The following CABP1 variants were observed in gnomAD, a reference collection of about 807,000 sequenced individuals.
CABP1 encodes the protein calcium-binding protein 1.
In CABP1, 17 loss-of-function variants were observed where a neutral mutation model predicts 34.3. That is an observed-to-expected ratio of 0.50 (90% CI 0.34 to 0.74). The LOEUF (loss-of-function observed/expected upper bound fraction) is 0.74. Among genes scored for constraint, CABP1 ranks in the 30% least tolerant of loss-of-function variants. CABP1 has a pLI of 0.01. For synonymous variants in CABP1, 198 were observed against 229.2 expected (o/e 0.86, Z 1.23); for missense variants, 373 against 511.1 (o/e 0.73, Z 2.61).
rs1880617025 is a variant in CABP1, at chr12:120,661,342, C to T, written c.1087+124C>T. ...ATTTTCCAACCCCCAGCCCTTTCAT[C>T]CTCTTATCCCTCCGTCCATGCCCCC... On this transcript the variant is annotated intron_variant, in intron 5 of 5. Transcript: ENST00000316803. The surrounding 1 kb of genome is among the most constrained non-coding windows in gnomAD (Gnocchi z 5.1). 1 of 1,063,802 alleles carries T rather than the reference C, an allele frequency of 9.4e-7. No individual in the cohort carries two copies. Among genetic ancestry groups the T allele is most frequent in the African/African-American group, 1.6e-5 (1 of 63,062 alleles). 65.9% of individuals were successfully genotyped at this position (1,063,802 alleles called of 1,614,324 possible).
chr12:120,671,211 G>A (rs1318816046), downstream of CABP1, among the ~76,000 whole-genome samples: 1 of 152,100 alleles, frequency 6.6e-6, no homozygotes, highest in Admixed American at 6.6e-5. Flanking sequence ...TTCGAGACCA[G>A]CCTGGCCAAA....
chr12:120,672,309 C>A (rs923768098), downstream of CABP1, among the ~76,000 whole-genome samples: 1 of 152,084 alleles, frequency 6.6e-6, no homozygotes. Flanking sequence ...GGTCAAATGG[C>A]TCATATTCTT....
chr12:120,672,564 G>A, the CABP1 span, among the ~76,000 whole-genome samples: 2 of 149,476 alleles, frequency 1.3e-5, no homozygotes, highest in Non-Finnish European at 3.0e-5. Flanking sequence ...CCCAGGAGGC[G>A]GAGGCTGCAG....
the CABP1 span, among the ~76,000 whole-genome samples, chr12:120,675,096 C>G: frequency 1.3e-5 from 2 of 151,990 alleles, no homozygotes; most frequent in African/African-American, 2.4e-5. Flanking sequence ...TCTGTCACTC[C>G]TGCTGGAGTG....
intron 1 of CABP1, among the ~76,000 whole-genome samples, chr12:120,657,209 G>A (rs1880285369): frequency 6.6e-6 from 1 of 152,232 alleles, no homozygotes; most frequent in African/African-American, 2.4e-5. Flanking sequence ...ATAGCCACAT[G>A]TGGCTAGCGG....
the CABP1 span, among the ~76,000 whole-genome samples, chr12:120,677,424 T>A: frequency 2.4e-5 from 3 of 126,634 alleles, no homozygotes; most frequent in African/African-American, 9.5e-5. Flanking sequence ...TGAGACAGAG[T>A]CTCACTCTGT....
At chr12:120,678,955 C>T in the CABP1 span, among the ~76,000 whole-genome samples, 2 of 151,142 alleles carry the variant, frequency 1.3e-5, no homozygotes, top group Admixed American at 6.6e-5. Flanking sequence ...TGCCTGTAGT[C>T]GCAGCTACTT....
At chr12:120,664,249 A>G (rs1880829185) in intron 5 of CABP1, among the ~76,000 whole-genome samples, 1 of 152,210 alleles carries the variant, frequency 6.6e-6, no homozygotes. Context: ...AAACAATAGC[A>G]TAATCCATGT....
intron 1 of CABP1, among the ~76,000 whole-genome samples, chr12:120,647,295 A>G (rs996680888): frequency 3.9e-5 from 6 of 152,146 alleles, no homozygotes; most frequent in African/African-American, 9.7e-5. Context: ...GGGAGGTGCT[A>G]TTAGAATCCC....
chr12:120,659,836 G>C lies in CABP1; in HGVS notation c.655-42G>C, dbSNP rs1319324536. ...CAGGTTAGGTATTTTGTGACTTCCA[G>C]GTCCCTTGTCGCGGCTAATAGGACA... On this transcript the variant is annotated intron_variant, in intron 1 of 5. Transcript: ENST00000316803. 6 of 1,607,722 alleles carry C rather than the reference G, an allele frequency of 3.7e-6. No homozygotes were observed. The East Asian group carries it at 1.3e-4, about 36-fold the overall frequency.
chr12:120,669,490 T>A (rs1322845006), downstream of CABP1, among the ~76,000 whole-genome samples: 4 of 152,194 alleles, frequency 2.6e-5, no homozygotes, highest in Non-Finnish European at 5.9e-5. Context: ...CCACTCAGGA[T>A]AGACTTAGGG....
chr12:120,659,982 G>C (rs989119031), intron 2 of CABP1, 74 bp downstream of exon 2: 13 of 1,496,654 alleles, frequency 8.7e-6, no homozygotes, highest in Non-Finnish European at 1.1e-5. Flanking sequence ...TTGATGGGAA[G>C]AGAGGCCCCT....
chr12:120,666,191 C>CTT (rs1880967623), intron 5 of CABP1, among the ~76,000 whole-genome samples: 1 of 122,628 alleles, frequency 8.2e-6, no homozygotes, highest in South Asian at 2.7e-4. Context: ...GAGGGAGACT[C>CTT]TGTCTCTACA....
chr12:120,677,772 A>G, the CABP1 span, among the ~76,000 whole-genome samples: 1 of 152,204 alleles, frequency 6.6e-6, no homozygotes, highest in African/African-American at 2.4e-5. Flanking sequence ...TCTCATTCAC[A>G]GATGAGGAAA....
chr12:120,666,998 T>G lies in CABP1; in HGVS notation c.*98T>G. 6.9e-7 allele frequency: 1 copy of G among 1,457,122 alleles called. No homozygotes were observed. The highest frequency in any genetic ancestry group is 9.3e-7 in the Non-Finnish European group (1 of 1,073,436). 90.3% of individuals were successfully genotyped at this position (1,457,122 alleles called of 1,614,324 possible). A position where few individuals can be genotyped will look rare whatever the true frequency, so the allele number is the denominator to read the frequency against. On this transcript the variant is annotated 3_prime_UTR_variant, in exon 6 of 6. Transcript: ENST00000316803. Reference sequence around the variant, plus strand: ...CGCTGTAGCCGCCGAGAGCCCAGGATGTACTGGCGGATGGGGCCTGCCTGC... The same window carrying G: ...CGCTGTAGCCGCCGAGAGCCCAGGAGGTACTGGCGGATGGGGCCTGCCTGC...
downstream of CABP1, among the ~76,000 whole-genome samples, chr12:120,669,215 A>C (rs190613491): frequency 3.9e-4 from 60 of 152,320 alleles, no homozygotes; most frequent in Middle Eastern, 3.4e-3. Context: ...CCCCAGCCAG[A>C]GGCCCGGGTA....
At chr12:120,664,985 C>T (rs553375430) in intron 5 of CABP1, among the ~76,000 whole-genome samples, 154 of 150,948 alleles carry the variant, frequency 1.0e-3, no homozygotes, top group African/African-American at 3.6e-3. Flanking sequence ...AATCTGAAAA[C>T]ACTGCATACC....
At chr12:120,679,620 G>A in the CABP1 span, among the ~76,000 whole-genome samples, 1 of 152,130 alleles carries the variant, frequency 6.6e-6, no homozygotes, top group Non-Finnish European at 1.5e-5. Context: ...CTGAGGTCGG[G>A]AGTTCAAGAC....
Position 120,660,469 on chromosome 12 carries a change from C to T in CABP1, c.829+130C>T. The stretch of plus-strand genomic sequence containing the variant: ...TCTGTGATCTGGGGCCAACCACTTA[C>T]CCTCTCTGAGCCTCAGTTTCCTCAC... On this transcript the variant is annotated intron_variant, in intron 3 of 5. Transcript: ENST00000316803. The surrounding 1 kb of genome is among the most constrained non-coding windows in gnomAD (Gnocchi z 5.0). 1.9e-6 allele frequency: 2 copies of T among 1,039,784 alleles called. No individual in the cohort carries two copies. Among genetic ancestry groups the T allele is most frequent in the Non-Finnish European group, 1.4e-6 (1 of 721,262 alleles). 64.4% of individuals were successfully genotyped at this position (1,039,784 alleles called of 1,614,324 possible). A position where few individuals can be genotyped will look rare whatever the true frequency, so the allele number is the denominator to read the frequency against.
Sources: allele counts gnomAD v4.1 joint callset (sites outside exome capture counted in the v4.1 genomes callset), GRCh38; gene constraint gnomAD v4.1.1; non-coding constraint Gnocchi (gnomAD v3.1); transcripts MANE v1.5; gene names NCBI Gene and HGNC (gene_info 2026-07-23, HGNC 2026-07-21).